MAP3K19: variants seen among roughly 807,000 people sequenced by gnomAD.
The protein encoded by MAP3K19 is SPS1/STE20-related protein kinase YSK4.
In MAP3K19, 91 loss-of-function variants were observed where a neutral mutation model predicts 114.4. The ratio of observed to expected loss-of-function variants is 0.80; its 90% confidence interval spans 0.67 to 0.95. MAP3K19 has a LOEUF of 0.95. MAP3K19 is among the 40% of genes least tolerant of loss of function. The pLI is 0.00. For missense variants in MAP3K19, 1,471 were observed against 1,573.2 expected, an observed-to-expected ratio of 0.94 and a Z score of 1.10; for synonymous variants, 518 against 530.5, an observed-to-expected ratio of 0.98 and a Z score of 0.32.
intron 12 of MAP3K19, among the ~76,000 whole-genome samples, chr2:134,972,231 C>T (rs1683930671): frequency 6.6e-6 from 1 of 151,974 alleles, no homozygotes; most frequent in Admixed American, 6.6e-5. Context: ...CCATCCCTAT[C>T]TGCCCTACTC....
intron 12 of MAP3K19, 112 bp from the exon 13 acceptor site, chr2:134,965,028 A>G: frequency 1.2e-6 from 1 of 812,604 alleles, no homozygotes; most frequent in Non-Finnish European, 2.0e-6. Flanking sequence ...TGATAGTCAA[A>G]CAGACTTGGG....
chr2:135,028,871 TA>T (rs1424854714), intron 3 of MAP3K19, among the ~76,000 whole-genome samples: 2 of 152,158 alleles, frequency 1.3e-5, no homozygotes, highest in Non-Finnish European at 2.9e-5. Context: ...ATTAATTAGT[TA>T]ATTTTTTTTT....
intron 3 of MAP3K19, among the ~76,000 whole-genome samples, chr2:135,027,100 C>G (rs2104779364): frequency 6.6e-6 from 1 of 152,170 alleles, no homozygotes; most frequent in Non-Finnish European, 1.5e-5. Flanking sequence ...TAAAAATTAG[C>G]CGGGCATAGT....
chr2:135,001,138 C>T (rs1402722082), intron 6 of MAP3K19, among the ~76,000 whole-genome samples: 1 of 150,644 alleles, frequency 6.6e-6, no homozygotes, highest in Non-Finnish European at 1.5e-5. Context: ...AAAAAAAACA[C>T]AGTAAAAAAT....
intron 12 of MAP3K19, among the ~76,000 whole-genome samples, chr2:134,970,454 A>G (rs1187757302): frequency 6.6e-6 from 1 of 152,062 alleles, no homozygotes; most frequent in Non-Finnish European, 1.5e-5. Context: ...TCGTATGTTA[A>G]TTTTGTATCC....
intron 10 of MAP3K19, among the ~76,000 whole-genome samples, chr2:134,984,441 A>C (rs1684945032): frequency 6.6e-6 from 1 of 152,166 alleles, no homozygotes; most frequent in Non-Finnish European, 1.5e-5. Flanking sequence ...CAAACCAACA[A>C]TGGCCAGATC....
chr2:134,998,731 A>G lies in MAP3K19; in HGVS notation c.574+7T>C, dbSNP rs2105288980. On this transcript the variant is annotated splice_region_variant and intron_variant, in intron 8 of 12. Transcript: ENST00000392915. Reference sequence around the variant, plus strand: ...GGACTCACTGTGGAATTCAATGTTCAACTTACCTTCAGATTTTCTTTGCTG... The same window carrying G: ...GGACTCACTGTGGAATTCAATGTTCGACTTACCTTCAGATTTTCTTTGCTG... 6.3e-7 allele frequency: 1 copy of G among 1,594,290 alleles called. No individual in the cohort carries two copies.
At chr2:134,973,991 A>G (rs774906806) in intron 12 of MAP3K19, among the ~76,000 whole-genome samples, 1 of 151,434 alleles carries the variant, frequency 6.6e-6, no homozygotes, top group Non-Finnish European at 1.5e-5. Flanking sequence ...GCCTTTCAAA[A>G]CTTTTTTTTT....
chr2:135,036,193 G>T (rs1574056968), intron 2 of MAP3K19, among the ~76,000 whole-genome samples: 1 of 151,842 alleles, frequency 6.6e-6, no homozygotes, highest in Non-Finnish European at 1.5e-5. Context: ...TACCCCAATT[G>T]CCCTTCGTTT....
In MAP3K19 at chr2:134,998,700, C is replaced by A. The variant is rs199945937; in HGVS notation, c.574+38G>T. ...GGCACAATACATAAATATTTGTTGA[C>A]CAAAAGGACTCACTGTGGAATTCAA... On this transcript the variant is annotated intron_variant, in intron 8 of 12. Coordinates refer to ENST00000392915, the MANE Select transcript of MAP3K19 (RefSeq NM_025052.5). 10 of 1,559,562 alleles carry A rather than the reference C, an allele frequency of 6.4e-6. No individual in the cohort carries two copies. In the East Asian group the frequency reaches 2.3e-4, roughly 35 times the overall value.
chr2:135,011,246 A>T (rs933851475), intron 5 of MAP3K19, among the ~76,000 whole-genome samples: 3 of 152,186 alleles, frequency 2.0e-5, no homozygotes, highest in Admixed American at 6.5e-5. Context: ...AAGGTTTTTA[A>T]AAAAAGTTTT....
intron 1 of MAP3K19, among the ~76,000 whole-genome samples, chr2:135,043,623 C>T (rs1262425989): frequency 3.9e-5 from 6 of 152,148 alleles, no homozygotes; most frequent in African/African-American, 9.7e-5. Context: ...ACCCAAAGTC[C>T]ATAGTGTAAA....
At chr2:135,046,735 G>T (rs1688753370) in intron 1 of MAP3K19, among the ~76,000 whole-genome samples, 1 of 152,094 alleles carries the variant, frequency 6.6e-6, no homozygotes, top group Non-Finnish European at 1.5e-5. Flanking sequence ...GTGTACATTT[G>T]ATTTAGAACC....
At chr2:135,005,968 C>A (rs1316404117) in intron 5 of MAP3K19, among the ~76,000 whole-genome samples, 1 of 152,108 alleles carries the variant, frequency 6.6e-6, no homozygotes, top group African/African-American at 2.4e-5. Context: ...AATCCCTGCC[C>A]CTGTGGAAGC....
intron 12 of MAP3K19, among the ~76,000 whole-genome samples, chr2:134,980,473 G>A (rs1469628900): frequency 6.6e-6 from 1 of 152,190 alleles, no homozygotes; most frequent in Non-Finnish European, 1.5e-5. Flanking sequence ...TTAAATGCAA[G>A]ATGATGTCAT....
At position 134,964,942 on chromosome 2, in the gene MAP3K19, G is replaced by GCAGCAGCACTCAGTAATGAGACTGCC. The variant is rs763587664; in HGVS notation, c.3921-52_3921-27dup. On this transcript the variant is annotated intron_variant, in intron 12 of 12. Coordinates refer to ENST00000392915, the MANE Select transcript of MAP3K19 (RefSeq NM_025052.5). ...CTAAGAAGGGAAAAACACATTAGAA[G>GCAGCAGCACTCAGTAATGAGACTGCC]CAGCAGCACTCAGTAATGAGACTGC... The GCAGCAGCACTCAGTAATGAGACTGCC allele has an allele frequency of 3.2e-6, 5 of 1,572,534 alleles. No individual in the cohort carries two copies. In the Admixed American group the frequency reaches 8.4e-5, roughly 27 times the overall value.
At chr2:135,024,992 C>T (rs1390593172) in intron 3 of MAP3K19, among the ~76,000 whole-genome samples, 1 of 151,954 alleles carries the variant, frequency 6.6e-6, no homozygotes, top group East Asian at 1.9e-4. Context: ...CAGAGAATTC[C>T]CAACTTTGGA....
intron 1 of MAP3K19, among the ~76,000 whole-genome samples, chr2:135,041,913 G>A (rs1336126139): frequency 6.6e-6 from 1 of 152,122 alleles, no homozygotes; most frequent in Non-Finnish European, 1.5e-5. Flanking sequence ...GCCAGACTAC[G>A]TGAACATGTA....
intron 5 of MAP3K19, among the ~76,000 whole-genome samples, chr2:135,009,660 C>T (rs1036003593): frequency 2.0e-5 from 3 of 151,942 alleles, no homozygotes; most frequent in East Asian, 1.9e-4. Context: ...AGTTGGAAGC[C>T]GGCAGTGTGG....
Sources: allele counts gnomAD v4.1 joint callset (sites outside exome capture counted in the v4.1 genomes callset), GRCh38; gene constraint gnomAD v4.1.1; transcripts MANE v1.5; gene names NCBI Gene and HGNC (gene_info 2026-07-23, HGNC 2026-07-21).